The following ACOXL variants were observed in gnomAD, a reference collection of about 807,000 sequenced individuals.
ACOXL encodes the protein acyl-coenzyme A oxidase-like protein.
A neutral mutation model predicts 71.9 loss-of-function variants in ACOXL; 70 were observed. The observed-to-expected ratio is 0.97, with a 90% CI of 0.80 to 1.19. ACOXL has a LOEUF of 1.19. Among genes scored for constraint, ACOXL ranks in the 50% most tolerant of loss-of-function variants. ACOXL has a pLI of 0.00. For missense variants in ACOXL, 703 were observed against 736.3 expected (o/e 0.95, Z 0.52); for synonymous variants, 253 against 281.6 (o/e 0.90, Z 1.02).
rs558367497 is a variant in ACOXL at position 110,754,070 on chromosome 2, A to ATTT, written c.-22-14280_-22-14278dup. 9.2e-3 allele frequency among the ~76,000 whole-genome samples: 1,102 copies of ATTT among 119,844 alleles called. 35 individuals carry two copies. Among genetic ancestry groups the ATTT allele is most frequent in the African/African-American group, 0.033 (1,046 of 31,768 alleles). 78.6% of individuals were successfully genotyped at this position (119,844 alleles called of 152,430 possible). Reference sequence around the variant, plus strand: ...TGTGTGTGTGTGTGTAGTTCTGTGAATTTTTTTTTTTTTTTTTTTTGAGAT... The same window carrying ATTT: ...TGTGTGTGTGTGTGTAGTTCTGTGAATTTTTTTTTTTTTTTTTTTTTTTGAGAT... On this transcript the variant is annotated intron_variant, in intron 1 of 17. Transcript: ENST00000439055.
At chr2:110,983,470 A>G (rs1188302305) in intron 12 of ACOXL, among the ~76,000 whole-genome samples, 4 of 152,218 alleles carry the variant, frequency 2.6e-5, no homozygotes, top group Admixed American at 2.0e-4. Context: ...CTTTTTTAAA[A>G]GAAAAGACAT....
At chr2:110,788,015 T>C (rs1347064133) in intron 3 of ACOXL, among the ~76,000 whole-genome samples, 3 of 152,212 alleles carry the variant, frequency 2.0e-5, no homozygotes, top group Non-Finnish European at 4.4e-5. Flanking sequence ...CCTACATTCT[T>C]GGTACATAAT....
intron 9 of ACOXL, among the ~76,000 whole-genome samples, chr2:110,839,584 C>T (rs1164770968): frequency 6.6e-6 from 1 of 152,052 alleles, no homozygotes; most frequent in African/African-American, 2.4e-5. Context: ...GTTCTTTTTG[C>T]AAACGTAAGT....
At chr2:110,893,507 TA>T (rs2058877389) in intron 10 of ACOXL, among the ~76,000 whole-genome samples, 1 of 152,198 alleles carries the variant, frequency 6.6e-6, no homozygotes, top group African/African-American at 2.4e-5. Context: ...GGAGAAGGAA[TA>T]AAAATTGATA....
At chr2:110,990,697 G>A (rs1377009119) in intron 13 of ACOXL, among the ~76,000 whole-genome samples, 1 of 152,126 alleles carries the variant, frequency 6.6e-6, no homozygotes, top group Non-Finnish European at 1.5e-5. Context: ...CATTTTAAAT[G>A]TATTTTTGTC....
chr2:110,964,527 G>A (rs1429408606), intron 12 of ACOXL, among the ~76,000 whole-genome samples: 7 of 152,138 alleles, frequency 4.6e-5, no homozygotes, highest in Admixed American at 1.3e-4. Context: ...CTGTTTCATC[G>A]TTGTGTCAAC....
chr2:111,078,328 G>A (rs2067710786), intron 16 of ACOXL, among the ~76,000 whole-genome samples: 1 of 151,992 alleles, frequency 6.6e-6, no homozygotes, highest in Admixed American at 6.6e-5. Context: ...GCAATGGCGC[G>A]ATGTCAGCTC....
At chr2:110,849,939 G>A (rs547488729) in intron 10 of ACOXL, among the ~76,000 whole-genome samples, 36 of 152,206 alleles carry the variant, frequency 2.4e-4, no homozygotes, top group Non-Finnish European at 4.8e-4. Flanking sequence ...GACATAGGAA[G>A]AAGTCAGGAG....
At chr2:111,010,775 C>T (rs1002042032) in intron 14 of ACOXL, among the ~76,000 whole-genome samples, 1 of 152,042 alleles carries the variant, frequency 6.6e-6, no homozygotes, top group African/African-American at 2.4e-5. Context: ...AGCCAAAGGA[C>T]AATAGAAAGA....
chr2:110,805,332 C>A lies in ACOXL; in HGVS notation c.690C>A (p.Ala230=). 1.2e-6 allele frequency: 2 copies of A among 1,614,232 alleles called. No individual in the cohort carries two copies. Among genetic ancestry groups the A allele is most frequent in the South Asian group, 2.2e-5 (2 of 91,080 alleles). The change falls in exon 9 of 18, where the codon GCC becomes GCA. Residue 230 remains alanine, a synonymous_variant. Coordinates refer to ENST00000439055, the MANE Select transcript of ACOXL (RefSeq NM_001142807.4). The part of the protein sequence containing the change: ...PIRNKSARFN[A]MLAALTPSRL... The stretch of plus-strand genomic sequence containing the variant: ...GGAACAAGAGTGCAAGATTCAATGC[C>A]ATGCTGGCAGCACTGACCCCTTCGA...
At chr2:110,930,212 A>C (rs1352478858) in intron 11 of ACOXL, among the ~76,000 whole-genome samples, 2 of 152,186 alleles carry the variant, frequency 1.3e-5, no homozygotes, top group African/African-American at 4.8e-5. Context: ...ATGGGAACCC[A>C]CCTCTTGCAT....
At position 111,069,555 on chromosome 2, in the gene ACOXL, C is replaced by A. The variant is rs138299301; in HGVS notation, c.1440+20267C>A. 1.2e-4 allele frequency among the ~76,000 whole-genome samples: 18 copies of A among 152,294 alleles called. No individual in the cohort carries two copies. In the East Asian group the frequency reaches 2.9e-3, roughly 24 times the overall value. ...TTAAAAATCTTATCCTCAAACACCA[C>A]TGGGGGTTGGGACTTAAACCTAACA... On this transcript the variant is annotated intron_variant, in intron 16 of 17. Transcript: ENST00000439055.
chr2:110,880,129 G>A (rs1322204851), intron 10 of ACOXL, among the ~76,000 whole-genome samples: 3 of 134,616 alleles, frequency 2.2e-5, no homozygotes, highest in Non-Finnish European at 3.1e-5. Flanking sequence ...CAGCCTGGGC[G>A]ACAGAGTGAG....
At chr2:110,903,774 T>C (rs1030832939) in intron 10 of ACOXL, among the ~76,000 whole-genome samples, 6 of 152,228 alleles carry the variant, frequency 3.9e-5, no homozygotes, top group African/African-American at 1.4e-4. Flanking sequence ...TGTGCCAGGA[T>C]GCTGGCAACC....
At chr2:111,012,995 A>G (rs1220409303) in intron 14 of ACOXL, among the ~76,000 whole-genome samples, 1 of 152,254 alleles carries the variant, frequency 6.6e-6, no homozygotes, top group Non-Finnish European at 1.5e-5. Flanking sequence ...AATAAGCCCA[A>G]AAGTTTGTTC....
intron 16 of ACOXL, among the ~76,000 whole-genome samples, chr2:111,089,727 A>C (rs2068421499): frequency 1.3e-5 from 2 of 152,238 alleles, no homozygotes; most frequent in Admixed American, 1.3e-4. Context: ...CCAAATGTGC[A>C]TGGTTTTCTT....
At chr2:110,846,168 C>A (rs1460457626) in intron 10 of ACOXL, among the ~76,000 whole-genome samples, 1 of 151,944 alleles carries the variant, frequency 6.6e-6, no homozygotes, top group African/African-American at 2.4e-5. Context: ...AATTTGGAAG[C>A]AGATCAGATC....
intron 1 of ACOXL, among the ~76,000 whole-genome samples, chr2:110,735,411 G>A (rs1308605092): frequency 6.6e-6 from 1 of 152,204 alleles, no homozygotes; most frequent in Non-Finnish European, 1.5e-5. Context: ...GGTTGTGGCA[G>A]CGTAGTGGTG....
intron 17 of ACOXL, among the ~76,000 whole-genome samples, chr2:111,104,783 CT>C (rs2069419888): frequency 6.6e-6 from 1 of 152,048 alleles, no homozygotes; most frequent in Non-Finnish European, 1.5e-5. Flanking sequence ...CCTTCTTACT[CT>C]TTTAATATGG....
Sources: gnomAD v4.1 joint callset for allele counts (sites outside exome capture counted in the v4.1 genomes callset) on GRCh38, gnomAD v4.1.1 for gene constraint, MANE v1.5 for transcripts, NCBI Gene and HGNC (gene_info 2026-07-23, HGNC 2026-07-21) for gene names.